NRG1: variants seen among roughly 807,000 people sequenced by gnomAD.
The protein encoded by NRG1 is neuregulin 1, also known as pro-neuregulin-1, membrane-bound isoform.
Under a neutral mutation model 63.8 loss-of-function variants are expected in NRG1, and 18 were observed. That is an observed-to-expected ratio of 0.28 (90% CI 0.19 to 0.42). NRG1 has a LOEUF of 0.42. Among genes scored for constraint, NRG1 ranks in the 10% least tolerant of loss-of-function variants. NRG1 has a pLI of 1.00. For missense variants in NRG1, 762 were observed against 814.7 expected (o/e 0.94, Z 0.79); for synonymous variants, 302 against 301.3 (o/e 1.00, Z -0.02).
chr8:31,725,949 A>G (rs1180892083), intron 1 of NRG1, among the ~76,000 whole-genome samples: 4 of 152,170 alleles, frequency 2.6e-5, no homozygotes, highest in Non-Finnish European at 5.9e-5. Flanking sequence ...TGTGAAATTG[A>G]TGATCATTTC....
intron 1 of NRG1, among the ~76,000 whole-genome samples, chr8:32,022,210 A>C (rs1419113219): frequency 6.6e-6 from 1 of 152,212 alleles, no homozygotes; most frequent in Non-Finnish European, 1.5e-5. Context: ...TCAGAGGTAG[A>C]CATTAGGTAA....
intron 1 of NRG1, among the ~76,000 whole-genome samples, chr8:31,823,301 C>T (rs201198656): frequency 2.0e-5 from 3 of 152,008 alleles, no homozygotes; most frequent in East Asian, 3.9e-4. Flanking sequence ...CTACTGCTAT[C>T]GCAACATCAA....
intron 5 of NRG1, among the ~76,000 whole-genome samples, chr8:32,633,207 T>C (rs1388264167): frequency 6.6e-6 from 1 of 152,250 alleles, no homozygotes; most frequent in African/African-American, 2.4e-5. Flanking sequence ...ATAAACTGTA[T>C]TAATGCTTTC....
intron 1 of NRG1, among the ~76,000 whole-genome samples, chr8:32,428,211 C>T (rs1472803135): frequency 6.6e-6 from 1 of 152,188 alleles, no homozygotes; most frequent in Non-Finnish European, 1.5e-5. Context: ...TAAAGCAAGT[C>T]AATTCAAGTC....
At chr8:32,629,643 AAG>A (rs1849916032) in intron 5 of NRG1, among the ~76,000 whole-genome samples, 1 of 152,196 alleles carries the variant, frequency 6.6e-6, no homozygotes, top group Non-Finnish European at 1.5e-5. Flanking sequence ...ACATTTTAAG[AAG>A]CATTCACATT....
At chr8:32,308,995 T>C (rs1453473714) in intron 1 of NRG1, among the ~76,000 whole-genome samples, 1 of 152,184 alleles carries the variant, frequency 6.6e-6, no homozygotes, top group Non-Finnish European at 1.5e-5. Context: ...TTTTTATTTG[T>C]TTTTTTCTGG....
At chr8:32,673,564 T>A (rs1221892669) in intron 5 of NRG1, among the ~76,000 whole-genome samples, 1 of 152,208 alleles carries the variant, frequency 6.6e-6, no homozygotes, top group East Asian at 1.9e-4. Flanking sequence ...TAATTTTAAG[T>A]TATGGCTCTT....
chr8:32,737,426 C>CT (rs1393506218), intron 6 of NRG1, among the ~76,000 whole-genome samples: 2 of 151,972 alleles, frequency 1.3e-5, no homozygotes, highest in Non-Finnish European at 2.9e-5. Context: ...TGGTGCATGC[C>CT]TGTAATCTCA....
At chr8:32,193,710 C>T (rs75184107) in intron 1 of NRG1, among the ~76,000 whole-genome samples, 1 of 152,124 alleles carries the variant, frequency 6.6e-6, no homozygotes, top group East Asian at 1.9e-4. Flanking sequence ...AGAATAGAAC[C>T]TTATTTGGAG....
intron 5 of NRG1, among the ~76,000 whole-genome samples, chr8:32,620,284 C>T (rs191747590): frequency 5.3e-5 from 8 of 152,168 alleles, no homozygotes; most frequent in African/African-American, 1.4e-4. Context: ...GTGCCTGTAC[C>T]GGCTACATTC....
At chr8:32,434,044 G>C (rs1818487157) in intron 1 of NRG1, among the ~76,000 whole-genome samples, 1 of 151,944 alleles carries the variant, frequency 6.6e-6, no homozygotes, top group Non-Finnish European at 1.5e-5. Flanking sequence ...AAATTAGCTG[G>C]GCGTGGTGGC....
intron 1 of NRG1, among the ~76,000 whole-genome samples, chr8:32,555,911 G>T (rs936022932): frequency 2.0e-5 from 3 of 152,126 alleles, no homozygotes; most frequent in African/African-American, 2.4e-5. Flanking sequence ...GTGTAATATT[G>T]TTCCCATTGT....
chr8:31,666,433 C>T (rs1164621233), intron 1 of NRG1, among the ~76,000 whole-genome samples: 3 of 151,736 alleles, frequency 2.0e-5, no homozygotes, highest in Non-Finnish European at 1.5e-5. Context: ...AGAACTTCTC[C>T]AAAAAAATAG....
At chr8:31,959,202 T>C (rs1011168796) in intron 1 of NRG1, among the ~76,000 whole-genome samples, 1 of 152,236 alleles carries the variant, frequency 6.6e-6, no homozygotes, top group Non-Finnish European at 1.5e-5. Flanking sequence ...CTGAGCTCTG[T>C]GTCTTGAAAA....
At chr8:31,893,875 A>G (rs1473743938) in intron 1 of NRG1, among the ~76,000 whole-genome samples, 1 of 152,078 alleles carries the variant, frequency 6.6e-6, no homozygotes, top group Non-Finnish European at 1.5e-5. Flanking sequence ...AAAAATCTGA[A>G]TACTACTTTA....
chr8:32,186,466 A>G (rs1841978170), intron 1 of NRG1, among the ~76,000 whole-genome samples: 2 of 151,714 alleles, frequency 1.3e-5, no homozygotes, highest in African/African-American at 2.4e-5. Flanking sequence ...GTCTCAAAAA[A>G]AAAAAAAAAA....
chr8:32,125,554 A>T (rs1335054255), intron 1 of NRG1, among the ~76,000 whole-genome samples: 1 of 151,968 alleles, frequency 6.6e-6, no homozygotes, highest in Non-Finnish European at 1.5e-5. Context: ...TCTACCACGA[A>T]AAATCAATTC....
intron 1 of NRG1, among the ~76,000 whole-genome samples, chr8:32,050,084 T>C (rs1821733903): frequency 6.6e-6 from 1 of 152,154 alleles, no homozygotes; most frequent in East Asian, 1.9e-4. Context: ...ATCTGTATCA[T>C]ATGTGGTAAC....
chr8:32,577,564 A>G (rs1357271097), intron 1 of NRG1, among the ~76,000 whole-genome samples: 3 of 152,220 alleles, frequency 2.0e-5, no homozygotes, highest in African/African-American at 7.2e-5. Context: ...GGTGAAGAGA[A>G]TTCAAAACTT....
Sources: allele counts gnomAD v4.1 joint callset (sites outside exome capture counted in the v4.1 genomes callset), GRCh38; gene constraint gnomAD v4.1.1; transcripts MANE v1.5; gene names NCBI Gene and HGNC (gene_info 2026-07-23, HGNC 2026-07-21).